REPS1: variants seen among roughly 807,000 people sequenced by gnomAD.
REPS1 encodes the protein ralBP1-associated Eps domain-containing protein 1.
A neutral mutation model predicts 100.9 loss-of-function variants in REPS1; 39 were observed. That is an observed-to-expected ratio of 0.39 (90% CI 0.30 to 0.50). The LOEUF (loss-of-function observed/expected upper bound fraction) is 0.50. Ranked by LOEUF, REPS1 falls within the 20% of genes least tolerant of loss-of-function variation. The pLI, the probability that REPS1 is intolerant of heterozygous loss-of-function variation, is 0.86. For synonymous variants in REPS1, 324 were observed against 340.3 expected (o/e 0.95, Z 0.53); for missense variants, 821 against 968.5 (o/e 0.85, Z 2.02).
intron 8 of REPS1, among the ~76,000 whole-genome samples, chr6:138,940,972 G>A (rs773851732): frequency 2.0e-5 from 3 of 152,034 alleles, no homozygotes; most frequent in Non-Finnish European, 2.9e-5. Flanking sequence ...AACAAATTAA[G>A]ATGTATTAAA....
chr6:138,922,405 T>C (rs997134195), intron 10 of REPS1, among the ~76,000 whole-genome samples: 7 of 152,232 alleles, frequency 4.6e-5, no homozygotes, highest in Non-Finnish European at 7.3e-5. Context: ...TTCATTACTG[T>C]AATACAGTTG....
intron 1 of REPS1, among the ~76,000 whole-genome samples, chr6:138,955,395 C>T (rs982333041): frequency 1.4e-5 from 2 of 142,514 alleles, no homozygotes; most frequent in Non-Finnish European, 3.0e-5. Context: ...CTGCAGTGAG[C>T]TAGGAATTGT....
intron 1 of REPS1, among the ~76,000 whole-genome samples, chr6:138,948,415 C>G (rs1289675793): frequency 2.0e-5 from 3 of 152,138 alleles, no homozygotes; most frequent in African/African-American, 7.2e-5. Flanking sequence ...ACAATTTTTT[C>G]AGATGAGATT....
intron 1 of REPS1, among the ~76,000 whole-genome samples, chr6:138,979,061 A>G (rs981596741): frequency 2.6e-5 from 4 of 151,820 alleles, no homozygotes; most frequent in Non-Finnish European, 5.9e-5. Flanking sequence ...GGCACCTGTA[A>G]TCCCAGCAAC....
chr6:138,945,571 C>T lies in REPS1; in HGVS notation c.404G>A (p.Gly135Asp), dbSNP rs1271064196. ...GGATCCCTTTTTCACTTGCCCCCTGCCAGGTGGTGGGGGAATTACACCAGA... is the reference window on the plus strand; with the variant it reads ...GGATCCCTTTTTCACTTGCCCCCTGTCAGGTGGTGGGGGAATTACACCAGA... ...SYSGVIPPPP[G>D]RGQVKKGSVS... Residue 135 changes from glycine (G) to aspartate (D), a missense_variant, in exon 3 of 20, where the codon GGC (glycine) becomes GAC (aspartate). Gly to Asp is a moderately conservative substitution (Grantham distance 94). Around this residue, in one of 3 missense-constraint regions of REPS1, gnomAD observed 757 missense variants for 866.4 expected, o/e 0.87. Transcript: ENST00000450536. 1 of 1,613,352 alleles carries T rather than the reference C, an allele frequency of 6.2e-7. No homozygotes were observed. The highest frequency in any genetic ancestry group is 8.5e-7 in the Non-Finnish European group (1 of 1,179,776).
In REPS1 at chr6:138,926,491, CAGAGG is replaced by C. The variant is rs1781133328; in HGVS notation, c.1258-15_1258-11del. 1.3e-6 allele frequency: 2 copies of C among 1,590,478 alleles called. No homozygotes were observed. Among genetic ancestry groups the C allele is most frequent in the Admixed American group, 3.4e-5 (2 of 59,600 alleles). ...TAAATGTCTCCCACTGCTGAACAGACAGAGGAGAGACAAGTCAGCATGATGAGAAA... is the reference window on the plus strand; with the variant it reads ...TAAATGTCTCCCACTGCTGAACAGACAGAGACAAGTCAGCATGATGAGAAA... On this transcript the variant is annotated splice_polypyrimidine_tract_variant and intron_variant, in intron 9 of 19. Transcript: ENST00000450536.
At chr6:138,945,163 G>C (rs1005498094) in intron 4 of REPS1, 56 bp downstream of exon 4, 1 of 1,462,304 alleles carries the variant, frequency 6.8e-7, no homozygotes, top group African/African-American at 1.4e-5. Context: ...GAACCCAGGA[G>C]TGCAAGACCA....
intron 8 of REPS1, 102 bp downstream of exon 8, chr6:138,941,233 A>G (rs1187876723): frequency 6.7e-6 from 8 of 1,201,582 alleles, no homozygotes; most frequent in Non-Finnish European, 9.5e-6. Context: ...GAAATATCTA[A>G]GCTATTAAGC....
intron 17 of REPS1, among the ~76,000 whole-genome samples, chr6:138,909,467 G>A (rs568060463): frequency 1.3e-5 from 2 of 152,100 alleles, no homozygotes; most frequent in African/African-American, 4.8e-5. Context: ...ACTGTGAGTT[G>A]ACAAAAATAA....
At chr6:138,958,514 C>CA (rs1247937361) in intron 1 of REPS1, among the ~76,000 whole-genome samples, 3 of 82,886 alleles carry the variant, frequency 3.6e-5, no homozygotes, top group Admixed American at 8.9e-5. Flanking sequence ...CACTCCCCAA[C>CA]AGGCCTGGTG....
intron 8 of REPS1, among the ~76,000 whole-genome samples, chr6:138,940,198 ATATTTTTAGGT>A (rs1468241700): frequency 2.6e-5 from 4 of 152,206 alleles, no homozygotes; most frequent in African/African-American, 9.6e-5. Flanking sequence ...CAGACCATGT[ATATTTTTAGGT>A]TAAAGAGATG....
rs1779498733 is a variant in REPS1 at position 138,904,099 on chromosome 6, C to G, written c.*965G>C. On this transcript the variant is annotated 3_prime_UTR_variant, in exon 20 of 20. Transcript: ENST00000450536. ...TCCATGCAGTTTAAAATCTATGATCCTATAGACAGAATAAATCTTAAAGGG... is the reference window on the plus strand; with the variant it reads ...TCCATGCAGTTTAAAATCTATGATCGTATAGACAGAATAAATCTTAAAGGG... 1 of 152,068 alleles carries G rather than the reference C, an allele frequency of 6.6e-6. No individual in the cohort carries two copies. The highest frequency in any genetic ancestry group is 6.6e-5 in the Admixed American group (1 of 15,262). The allele number at this position is 152,068 out of a possible 1,614,324, so 9.4% of individuals were successfully genotyped here.
chr6:138,943,690 AT>A, intron 6 of REPS1, 114 bp from the exon 7 acceptor site: 1 of 996,628 alleles, frequency 1.0e-6, no homozygotes, highest in Non-Finnish European at 1.4e-6. Context: ...ATATGTGAAT[AT>A]GTCATGTTTT....
chr6:138,928,827 T>C (rs1032473845), intron 9 of REPS1: 1 of 152,224 alleles, frequency 6.6e-6, no homozygotes, highest in Non-Finnish European at 1.5e-5. Context: ...ATAAACCCTC[T>C]CTATTAGCAA....
rs575196060 is a variant in REPS1 at position 138,941,646 on chromosome 6, G to A, written c.981-157C>T. On this transcript the variant is annotated intron_variant, in intron 7 of 19. Coordinates refer to ENST00000450536, the MANE Select transcript of REPS1 (RefSeq NM_001286611.2). ...AAAGATGTGTAATATAGCAAATGTA[G>A]CAAAATGTTACCTCCAGAATCTAGG... is the stretch of plus-strand genomic sequence containing the variant. Among the ~76,000 whole-genome samples the A allele has an allele frequency of 2.6e-5, 4 of 152,236 alleles. No individual in the cohort carries two copies. The South Asian group carries it at 8.3e-4, about 32-fold the overall frequency.
intron 4 of REPS1, 107 bp from the exon 5 acceptor site, chr6:138,944,729 G>A: frequency 9.1e-7 from 1 of 1,095,708 alleles, no homozygotes. Flanking sequence ...TTTCCAAAAT[G>A]GAATCTTTTC....
At chr6:138,979,466 A>T (rs573206160) in intron 1 of REPS1, among the ~76,000 whole-genome samples, 1 of 152,264 alleles carries the variant, frequency 6.6e-6, no homozygotes, top group Admixed American at 6.5e-5. Context: ...CCCTGTCTCT[A>T]GTTCCTCAGC....
chr6:138,970,213 G>A (rs1419016996), intron 1 of REPS1, among the ~76,000 whole-genome samples: 1 of 152,044 alleles, frequency 6.6e-6, no homozygotes, highest in African/African-American at 2.4e-5. Context: ...AAGAACGATT[G>A]GCTAAGTCCT....
At chr6:138,939,996 G>A (rs1782120306) in intron 8 of REPS1, among the ~76,000 whole-genome samples, 1 of 152,142 alleles carries the variant, frequency 6.6e-6, no homozygotes, top group Non-Finnish European at 1.5e-5. Context: ...AATGTGAATG[G>A]CATCAAATCC....
Sources: allele counts gnomAD v4.1 joint callset (sites outside exome capture counted in the v4.1 genomes callset), GRCh38; gene constraint gnomAD v4.1.1; regional missense constraint gnomAD v4.1.1; transcripts MANE v1.5; gene names NCBI Gene and HGNC (gene_info 2026-07-23, HGNC 2026-07-21).